Variants in HK2 observed in about 807,000 individuals in gnomAD.
HK2 encodes hexokinase 2.
HK2 carries 42 observed loss-of-function variants against 92.9 expected under a neutral mutation model. That is an observed-to-expected ratio of 0.45 (90% CI 0.35 to 0.58). The LOEUF (loss-of-function observed/expected upper bound fraction) is 0.58. HK2 is among the 20% of genes least tolerant of loss of function. HK2 has a pLI of 0.00. For missense variants in HK2, 978 were observed against 1,245.1 expected, an observed-to-expected ratio of 0.79 and a Z score of 3.23; for synonymous variants, 422 against 468.0, an observed-to-expected ratio of 0.90 and a Z score of 1.27.
At chr2:74,844,560 A>G (rs1321242183) in intron 1 of HK2, among the ~76,000 whole-genome samples, 1 of 152,210 alleles carries the variant, frequency 6.6e-6, no homozygotes, top group African/African-American at 2.4e-5. Flanking sequence ...TGGATGGGGC[A>G]GACTGGGACA....
intron 2 of HK2, among the ~76,000 whole-genome samples, chr2:74,865,857 A>T (rs1430244786): frequency 6.6e-6 from 1 of 152,028 alleles, no homozygotes; most frequent in Non-Finnish European, 1.5e-5. Flanking sequence ...GAGAGAGAGT[A>T]CCTAGTACTT....
At position 74,878,809 on chromosome 2, in the gene HK2, C is replaced by T. The variant is rs1689307217; in HGVS notation, c.1153C>T (p.Leu385=). The T allele has an allele frequency of 1.3e-6, 2 of 1,562,652 alleles. No individual in the cohort carries two copies. Among genetic ancestry groups the T allele is most frequent in the Non-Finnish European group, 1.7e-6 (2 of 1,153,132 alleles). The change falls in exon 9 of 18, where the codon CTG becomes TTG. Residue 385 remains leucine (L), a synonymous_variant. Coordinates refer to ENST00000290573, the MANE Select transcript of HK2 (RefSeq NM_000189.5). ...CQIVSTRSAS[L]CAATLAAVLQ... ...GATCGTGTCCACACGCTCCGCCAGC[C>T]TGTGCGCAGCCACCCTGGCCGCCGT...
chr2:74,866,702 T>A (rs1688957276), intron 2 of HK2, among the ~76,000 whole-genome samples: 1 of 152,172 alleles, frequency 6.6e-6, no homozygotes, highest in Non-Finnish European at 1.5e-5. Flanking sequence ...TCATCCTCTT[T>A]CCTGCTCCCC....
In HK2 at chr2:74,834,367, A is replaced by C; in HGVS notation, c.-214A>C. Reference sequence around the variant, plus strand: ...CCAGGAGAGAACTGAGGCGCCTTCTAGCAGTTGTGACGCCAAAATCACGTC... The same window carrying C: ...CCAGGAGAGAACTGAGGCGCCTTCTCGCAGTTGTGACGCCAAAATCACGTC... On this transcript the variant is annotated 5_prime_UTR_variant, in exon 1 of 18. Transcript: ENST00000290573. This position sits in a 1 kb window ranked among gnomAD's most constrained non-coding sequence, Gnocchi z 4.2. 3.2e-6 allele frequency: 2 copies of C among 622,684 alleles called. No homozygotes were observed. The highest frequency in any genetic ancestry group is 2.5e-5 in the Admixed American group (1 of 40,800). 38.6% of individuals were successfully genotyped at this position (622,684 alleles called of 1,614,324 possible). A position where few individuals can be genotyped will look rare whatever the true frequency, so the allele number is the denominator to read the frequency against.
At chr2:74,847,087 A>G (rs1305008150) in intron 1 of HK2, among the ~76,000 whole-genome samples, 1 of 152,204 alleles carries the variant, frequency 6.6e-6, no homozygotes, top group African/African-American at 2.4e-5. Context: ...ACGGTTCTAG[A>G]TAATCAATTA....
intron 1 of HK2, among the ~76,000 whole-genome samples, chr2:74,840,660 T>G (rs371456849): frequency 1.8e-3 from 266 of 145,270 alleles, no homozygotes; most frequent in Non-Finnish European, 2.4e-3. Flanking sequence ...GAGGTCAGGA[T>G]ATCAAGACCA....
intron 1 of HK2, among the ~76,000 whole-genome samples, chr2:74,848,240 A>G (rs558164169): frequency 1.3e-5 from 2 of 152,228 alleles, no homozygotes; most frequent in South Asian, 4.1e-4. Flanking sequence ...ATTAGACAAG[A>G]CTCATCTCTC....
chr2:74,866,694 ATCC>A lies in HK2; in HGVS notation c.227-939_227-937del, dbSNP rs1400115856. Among the ~76,000 whole-genome samples the A allele has an allele frequency of 3.3e-5, 5 of 152,250 alleles. No individual in the cohort carries two copies. The South Asian group carries it at 6.2e-4, about 19-fold the overall frequency. On this transcript the variant is annotated intron_variant, in intron 2 of 17. Coordinates refer to ENST00000290573, the MANE Select transcript of HK2 (RefSeq NM_000189.5). ...GTGGCTCCTTTCTGGAGTCTCACTC[ATCC>A]TCTTTCCTGCTCCCCCACAGCTTTT...
At chr2:74,857,452 A>G (rs770024698) in intron 2 of HK2, among the ~76,000 whole-genome samples, 7 of 152,070 alleles carry the variant, frequency 4.6e-5, no homozygotes, top group Admixed American at 2.6e-4. Flanking sequence ...CCCTGAACAG[A>G]CTCCTGTATG....
chr2:74,887,980 T>A lies in HK2; in HGVS notation c.2297T>A (p.Leu766Gln), dbSNP rs759568954. ...CTCATCGATTTCACCAAGCGTGGAC[T>A]ACTCTTCCGAGGCCGCATCTCAGAG... ...NILIDFTKRG[L>Q]LFRGRISERL... Residue 766 changes from leucine to glutamine, a missense_variant, in exon 16 of 18, where the codon CTA (leucine) becomes CAA (glutamine). Physicochemically the swap from Leu to Gln is moderately radical, Grantham distance 113. Transcript: ENST00000290573. 1.2e-6 allele frequency: 2 copies of A among 1,614,110 alleles called. No homozygotes were observed. Among genetic ancestry groups the A allele is most frequent in the South Asian group, 1.1e-5 (1 of 91,080 alleles).
intron 1 of HK2, among the ~76,000 whole-genome samples, chr2:74,837,642 C>T (rs2103821622): frequency 6.6e-6 from 1 of 151,700 alleles, no homozygotes; most frequent in South Asian, 2.1e-4. Flanking sequence ...CTCTGTCCTG[C>T]CTGTTCACAC....
At position 74,880,562 on chromosome 2, in the gene HK2, C is replaced by T. The variant is rs144796715; in HGVS notation, c.1563C>T (p.Asp521=). The change falls in exon 10 of 18, where the codon GAC becomes GAT. Residue 521 remains aspartate (D), a synonymous_variant. Coordinates refer to ENST00000290573, the MANE Select transcript of HK2 (RefSeq NM_000189.5). ...CCACCTACGTGTGTGCTACCCCGGA[C>T]GGCACAGGTACACGGCAGGGTTGCC... ...MLPTYVCATP[D]GTEKGDFLAL... The T allele has an allele frequency of 1.1e-4, 170 of 1,613,570 alleles. No homozygotes were observed. Among genetic ancestry groups the T allele is most frequent in the Admixed American group, 1.3e-4 (8 of 59,918 alleles).
chr2:74,885,853 C>T (rs900572331), intron 13 of HK2, among the ~76,000 whole-genome samples: 5 of 145,102 alleles, frequency 3.4e-5, no homozygotes, highest in Non-Finnish European at 7.4e-5. Context: ...GAAACACACA[C>T]ACACACACAC....
intron 1 of HK2, chr2:74,835,073 G>A (rs1201003401): frequency 7.7e-6 from 2 of 259,246 alleles, no homozygotes; most frequent in Non-Finnish European, 1.5e-5. Flanking sequence ...GCGTGGGGCC[G>A]CCGGGGGCCG....
intron 1 of HK2, among the ~76,000 whole-genome samples, chr2:74,843,714 G>T (rs1688369076): frequency 6.6e-6 from 1 of 152,064 alleles, no homozygotes; most frequent in Non-Finnish European, 1.5e-5. Flanking sequence ...CCTTCCTTCT[G>T]GCATCTCCAT....
Position 74,878,817 on chromosome 2 carries a change from A to C in HK2, c.1161A>C (p.Ala387=), listed in dbSNP as rs138547217. Residue 387 remains alanine (A), a synonymous_variant, in exon 9 of 18, where the codon GCA becomes GCC. Transcript: ENST00000290573. ...CCACACGCTCCGCCAGCCTGTGCGCAGCCACCCTGGCCGCCGTGCTGCAGC... is the reference window on the plus strand; with the variant it reads ...CCACACGCTCCGCCAGCCTGTGCGCCGCCACCCTGGCCGCCGTGCTGCAGC... ...IVSTRSASLC[A]ATLAAVLQRI... 1 of 1,561,014 alleles carries C rather than the reference A, an allele frequency of 6.4e-7. No individual in the cohort carries two copies. The highest frequency in any genetic ancestry group is 1.9e-5 in the Admixed American group (1 of 52,330).
At chr2:74,872,987 G>C (rs796840995) in intron 4 of HK2, among the ~76,000 whole-genome samples, 50 of 152,304 alleles carry the variant, frequency 3.3e-4, no homozygotes, top group African/African-American at 1.2e-3. Context: ...TGATATCTGT[G>C]TATCTAACTA....
At chr2:74,865,168 TGGAGGAGGGCTGCAG>T (rs1159226251) in intron 2 of HK2, among the ~76,000 whole-genome samples, 2 of 152,088 alleles carry the variant, frequency 1.3e-5, no homozygotes, top group Non-Finnish European at 2.9e-5. Context: ...CCTATGTGTG[TGGAGGAGGGCTGCAG>T]GGAGGAGGGG....
At chr2:74,890,495 CTA>C (rs975305209) in intron 17 of HK2, among the ~76,000 whole-genome samples, 1 of 152,162 alleles carries the variant, frequency 6.6e-6, no homozygotes, top group African/African-American at 2.4e-5. Context: ...CTTTTACTGA[CTA>C]TTAGTTTTAA....
Sources: allele counts gnomAD v4.1 joint callset (sites outside exome capture counted in the v4.1 genomes callset), GRCh38; gene constraint gnomAD v4.1.1; non-coding constraint Gnocchi (gnomAD v3.1); transcripts MANE v1.5; gene names NCBI Gene and HGNC (gene_info 2026-07-23, HGNC 2026-07-21).